The following NTRK3 variants were observed in gnomAD, a reference collection of about 807,000 sequenced individuals.
NTRK3 encodes neurotrophic receptor tyrosine kinase 3, also known as NT-3 growth factor receptor.
NTRK3 carries 24 observed loss-of-function variants against 91.7 expected under a neutral mutation model. The observed-to-expected ratio is 0.26, with a 90% confidence interval of 0.19 to 0.37. The LOEUF (loss-of-function observed/expected upper bound fraction) is 0.37. Among genes scored for constraint, NTRK3 ranks in the 10% least tolerant of loss-of-function variants. The pLI is 1.00. For synonymous variants in NTRK3, 483 were observed against 404.0 expected (o/e 1.20, Z -2.34); for missense variants, 880 against 1,068.9 (o/e 0.82, Z 2.46).
chr15:88,135,052 G>C (rs1253224870), intron 10 of NTRK3, 49 bp downstream of exon 10: 2 of 1,605,708 alleles, frequency 1.2e-6, no homozygotes, highest in African/African-American at 2.7e-5. Context: ...CATCTCCCAA[G>C]CTTGTAGAAA....
intron 3 of NTRK3, among the ~76,000 whole-genome samples, chr15:88,207,587 T>A (rs996290255): frequency 6.6e-6 from 1 of 152,194 alleles, no homozygotes; most frequent in African/African-American, 2.4e-5. Context: ...AAGAGCTTTT[T>A]TCTCTGGAGA....
chr15:88,040,494 A>G (rs1283294832), intron 13 of NTRK3, among the ~76,000 whole-genome samples: 1 of 152,236 alleles, frequency 6.6e-6, no homozygotes, highest in Non-Finnish European at 1.5e-5. Flanking sequence ...CCTCCCAGGG[A>G]ATACACTGAT....
chr15:87,923,518 T>C (rs2068046419), intron 17 of NTRK3, among the ~76,000 whole-genome samples: 1 of 152,222 alleles, frequency 6.6e-6, no homozygotes, highest in East Asian at 1.9e-4. Flanking sequence ...CTACTCATAC[T>C]GTTAGATGAC....
At chr15:88,219,962 C>T (rs1037005835) in intron 3 of NTRK3, among the ~76,000 whole-genome samples, 18 of 152,206 alleles carry the variant, frequency 1.2e-4, no homozygotes, top group Non-Finnish European at 2.5e-4. Context: ...GCACCCCCTC[C>T]TCTCTTGCTT....
intron 13 of NTRK3, 121 bp downstream of exon 13, chr15:88,126,150 A>G: frequency 4.0e-6 from 3 of 744,912 alleles, no homozygotes; most frequent in Non-Finnish European, 4.8e-6. Flanking sequence ...CATCAGTACC[A>G]GTTAGACCCC....
intron 3 of NTRK3, among the ~76,000 whole-genome samples, chr15:88,244,937 G>A (rs2052681665): frequency 6.6e-6 from 1 of 152,228 alleles, no homozygotes; most frequent in South Asian, 2.1e-4. Context: ...ACCCTAGATA[G>A]AGATTTCTGG....
At chr15:87,896,888 C>A (rs1424938346) in intron 17 of NTRK3, among the ~76,000 whole-genome samples, 1 of 152,178 alleles carries the variant, frequency 6.6e-6, no homozygotes, top group Non-Finnish European at 1.5e-5. Flanking sequence ...AGACTATTAT[C>A]TAGCTTCTTA....
chr15:88,050,627 C>T (rs1451206782), intron 13 of NTRK3, among the ~76,000 whole-genome samples: 2 of 152,114 alleles, frequency 1.3e-5, no homozygotes, highest in Non-Finnish European at 2.9e-5. Flanking sequence ...TCAGGCTATG[C>T]TTTCCTGTGC....
chr15:88,001,760 T>C (rs1490560267), intron 14 of NTRK3, among the ~76,000 whole-genome samples: 1 of 152,142 alleles, frequency 6.6e-6, no homozygotes, highest in Non-Finnish European at 1.5e-5. Flanking sequence ...AGTTTTGGGA[T>C]TGAGGAGTTA....
At chr15:88,250,650 T>C (rs907367981) in intron 3 of NTRK3, among the ~76,000 whole-genome samples, 9 of 152,142 alleles carry the variant, frequency 5.9e-5, no homozygotes, top group African/African-American at 1.9e-4. Flanking sequence ...AATCAACCGT[T>C]CCTTGGCCCA....
At chr15:88,172,131 G>C (rs908669314) in intron 5 of NTRK3, among the ~76,000 whole-genome samples, 1 of 152,150 alleles carries the variant, frequency 6.6e-6, no homozygotes, top group Non-Finnish European at 1.5e-5. Context: ...ACCCAGAAAG[G>C]GCAGAGGCCT....
At chr15:88,078,878 C>A (rs571165783) in intron 13 of NTRK3, among the ~76,000 whole-genome samples, 7 of 152,166 alleles carry the variant, frequency 4.6e-5, no homozygotes, top group Non-Finnish European at 1.0e-4. Context: ...TGGACGAGCA[C>A]GGGGGAAAGT....
Position 87,916,701 on chromosome 15 carries a change from G to A in NTRK3, c.2133+12490C>T, listed in dbSNP as rs1406996621. ...GGGGCTAAATATTTTTATTCCACTGGTTTCCCACCAGTCAAGATACAAACA... is the reference window on the plus strand; with the variant it reads ...GGGGCTAAATATTTTTATTCCACTGATTTCCCACCAGTCAAGATACAAACA... On this transcript the variant is annotated intron_variant, in intron 17 of 18. Coordinates refer to ENST00000394480, the Ensembl canonical transcript of NTRK3. 8 of 640,756 alleles carry A rather than the reference G, an allele frequency of 1.2e-5. No homozygotes were observed. The Admixed American group carries it at 2.0e-4, about 16-fold the overall frequency. The allele number at this position is 640,756 out of a possible 1,614,324, so 39.7% of individuals were successfully genotyped here.
At chr15:87,896,161 C>T (rs1477980566) in intron 17 of NTRK3, among the ~76,000 whole-genome samples, 4 of 152,140 alleles carry the variant, frequency 2.6e-5, no homozygotes, top group Non-Finnish European at 4.4e-5. Flanking sequence ...TCATATTTGG[C>T]TCAGAATAAA....
chr15:87,933,059 G>A (rs1243756590), exon 16 of NTRK3: 3 of 1,614,148 alleles, frequency 1.9e-6, no homozygotes, highest in Admixed American at 1.7e-5. Flanking sequence ...CAAAGACCAT[G>A]ATGAGGGGGT....
At chr15:88,202,999 G>C (rs1281171813) in intron 3 of NTRK3, among the ~76,000 whole-genome samples, 1 of 152,110 alleles carries the variant, frequency 6.6e-6, no homozygotes, top group Non-Finnish European at 1.5e-5. Context: ...ACTTTTTGAT[G>C]CTAGCTGGCT....
rs2052287294 is a variant in NTRK3, at chr15:88,240,895, G to A, written c.248+15011C>T. 1.3e-5 allele frequency among the ~76,000 whole-genome samples: 2 copies of A among 152,248 alleles called. No individual in the cohort carries two copies. The highest frequency in any genetic ancestry group is 4.8e-5 in the African/African-American group (2 of 41,478). Reference sequence around the variant, plus strand: ...AGCCCGAGGCCCACAAAGGTGTGGAGAGCAATGAGAATGGTGTGCCCAGCA... The same window carrying A: ...AGCCCGAGGCCCACAAAGGTGTGGAAAGCAATGAGAATGGTGTGCCCAGCA... On this transcript the variant is annotated intron_variant, in intron 3 of 18. Coordinates refer to ENST00000394480, the Ensembl canonical transcript of NTRK3. This position sits in a 1 kb window ranked among gnomAD's most constrained non-coding sequence, Gnocchi z 4.9.
chr15:88,020,904 C>G (rs913581420), intron 14 of NTRK3, among the ~76,000 whole-genome samples: 1 of 152,258 alleles, frequency 6.6e-6, no homozygotes, highest in African/African-American at 2.4e-5. Context: ...GATGTTTTGA[C>G]CTTCCCAACA....
At chr15:88,147,461 T>A in intron 5 of NTRK3, 58 bp from the exon 6 acceptor site, 1 of 1,403,458 alleles carries the variant, frequency 7.1e-7, no homozygotes, top group Non-Finnish European at 1.0e-6. Context: ...AATAATGCTC[T>A]AGGTAGTAAG....
Sources: gnomAD v4.1 joint callset for allele counts (sites outside exome capture counted in the v4.1 genomes callset) on GRCh38, gnomAD v4.1.1 for gene constraint, Gnocchi (gnomAD v3.1) non-coding constraint, MANE v1.5 for transcripts, NCBI Gene and HGNC (gene_info 2026-07-23, HGNC 2026-07-21) for gene names.